Variants in PASK observed in about 807,000 individuals in gnomAD.
PASK encodes PAS domain-containing serine/threonine-protein kinase.
PASK carries 110 observed loss-of-function variants against 121.0 expected under a neutral mutation model. The ratio of observed to expected loss-of-function variants is 0.91; its 90% confidence interval spans 0.78 to 1.06. PASK has a LOEUF of 1.06. PASK is among the 50% of genes least tolerant of loss of function. PASK has a pLI of 0.00. For missense variants in PASK, 1,643 were observed against 1,702.3 expected (o/e 0.97, Z 0.61); for synonymous variants, 686 against 717.8 (o/e 0.96, Z 0.71).
chr2:241,108,037 T>C lies in PASK; in HGVS notation c.3667+130A>G. 2 of 913,416 alleles carry C rather than the reference T, an allele frequency of 2.2e-6. No individual in the cohort carries two copies. Among genetic ancestry groups the C allele is most frequent in the Non-Finnish European group, 3.6e-6 (2 of 553,320 alleles). 56.6% of individuals were successfully genotyped at this position (913,416 alleles called of 1,614,324 possible). On this transcript the variant is annotated intron_variant, in intron 16 of 17. Coordinates refer to ENST00000234040, the MANE Select transcript of PASK (RefSeq NM_015148.4). The surrounding 1 kb of genome is among the most constrained non-coding windows in gnomAD (Gnocchi z 5.2). ...TTAAAGTCATATGCAAATTATTTGA[T>C]GAATAGAAAAGAAACAAATGAGACT...
At chr2:241,124,679 T>C (rs190640856) in intron 10 of PASK, among the ~76,000 whole-genome samples, 3 of 152,366 alleles carry the variant, frequency 2.0e-5, no homozygotes, top group African/African-American at 7.2e-5. Context: ...AACATAAGTG[T>C]GGTTAGCTTT....
intron 12 of PASK, among the ~76,000 whole-genome samples, chr2:241,122,015 A>G (rs1204486251): frequency 2.0e-5 from 3 of 152,120 alleles, no homozygotes; most frequent in Non-Finnish European, 4.4e-5. Flanking sequence ...ATTGGCAATT[A>G]AACAACACAC....
chr2:241,150,304 G>C, upstream of PASK: 1 of 1,334,352 alleles, frequency 7.5e-7, no homozygotes, highest in Non-Finnish European at 9.6e-7. Flanking sequence ...GAAATTACCT[G>C]CTCTGGGGGA....
chr2:241,112,364 C>A lies in PASK; in HGVS notation c.3409G>T (p.Ala1137Ser). 1 of 1,613,420 alleles carries A rather than the reference C, an allele frequency of 6.2e-7. No homozygotes were observed. The highest frequency in any genetic ancestry group is 2.2e-5 in the East Asian group (1 of 44,858). Residue 1137 changes from alanine (A) to serine (S), a missense_variant, in exon 15 of 18, where the codon GCC (alanine) becomes TCC (serine). Coordinates refer to ENST00000234040, the MANE Select transcript of PASK (RefSeq NM_015148.4). The surrounding 1 kb of genome is among the most constrained non-coding windows in gnomAD (Gnocchi z 5.2). ...ATCAGCTTGATTGTGAAGTCCTCGG[C>A]GATCACGATGTTCTCATCCTTGATG... ...RDIKDENIVI[A>S]EDFTIKLIDF...
At chr2:241,142,806 G>C in intron 2 of PASK, 31 bp downstream of exon 2, 1 of 1,494,992 alleles carries the variant, frequency 6.7e-7, no homozygotes, top group South Asian at 1.1e-5. Context: ...ATTTCCACGC[G>C]CTAAGGCCTG....
At chr2:241,116,265 T>C (rs1364303798) in intron 12 of PASK, among the ~76,000 whole-genome samples, 1 of 152,108 alleles carries the variant, frequency 6.6e-6, no homozygotes, top group Non-Finnish European at 1.5e-5. Context: ...CCCACGGACA[T>C]GAAAGAAGAA....
intron 14 of PASK, chr2:241,114,687 G>GAGACGCTCT: frequency 8.2e-7 from 1 of 1,223,978 alleles, no homozygotes; most frequent in Non-Finnish European, 1.0e-6. Flanking sequence ...CCTGCAGGCC[G>GAGACGCTCT]CTGTGCCGCA....
rs947440925 is a variant in PASK, at chr2:241,108,852, C to T, written c.3534-552G>A. The T allele has an allele frequency of 9.7e-6, 2 of 206,782 alleles. No homozygotes were observed. The highest frequency in any genetic ancestry group is 2.3e-5 in the African/African-American group (1 of 43,408). 12.8% of individuals were successfully genotyped at this position (206,782 alleles called of 1,614,324 possible). A position where few individuals can be genotyped will look rare whatever the true frequency, so the allele number is the denominator to read the frequency against. On this transcript the variant is annotated intron_variant, in intron 15 of 17. Transcript: ENST00000234040. The surrounding 1 kb of genome is among the most constrained non-coding windows in gnomAD (Gnocchi z 5.2). ...GAAGGATGAAAGCAAACAAGAAGGA[C>T]GTGGTGAAGGTGGGTGTTCACACAG...
At chr2:241,136,398 A>C (rs2074826) in intron 7 of PASK, among the ~76,000 whole-genome samples, 4,262 of 152,280 alleles carry the variant, frequency 0.028, 326 homozygotes, top group East Asian at 0.23. Context: ...GAACAGTGAC[A>C]TGCACCCAGG....
At chr2:241,137,788 T>C (rs544498175) in intron 6 of PASK, among the ~76,000 whole-genome samples, 165 bp downstream of exon 6, 1 of 152,200 alleles carries the variant, frequency 6.6e-6, no homozygotes, top group Non-Finnish European at 1.5e-5. Flanking sequence ...CCACATAGGC[T>C]CCGGCCCTTG....
At chr2:241,111,327 TGC>T (rs1184394908) in intron 15 of PASK, among the ~76,000 whole-genome samples, 2 of 152,158 alleles carry the variant, frequency 1.3e-5, no homozygotes, top group Non-Finnish European at 2.9e-5. Flanking sequence ...AGCAGAGCAC[TGC>T]AGCAGAGGGC....
intron 1 of PASK, among the ~76,000 whole-genome samples, chr2:241,146,026 G>T (rs2066937787): frequency 6.6e-6 from 1 of 151,892 alleles, no homozygotes; most frequent in African/African-American, 2.4e-5. Context: ...TTTGGGAGAA[G>T]ATATTTGCCA....
intron 15 of PASK, chr2:241,109,808 G>C (rs1221422636): frequency 1.3e-5 from 2 of 152,368 alleles, no homozygotes; most frequent in East Asian, 1.9e-4. Flanking sequence ...CAATAGAACA[G>C]AACAGAGGTT....
rs2065740863 is a variant in PASK, at chr2:241,123,976, A to C, written c.2877T>G (p.Ala959=). The C allele has an allele frequency of 1.2e-6, 2 of 1,613,806 alleles. No homozygotes were observed. Among genetic ancestry groups the C allele is most frequent in the Non-Finnish European group, 1.7e-6 (2 of 1,180,028 alleles). ...CCACCAGGCTGGGTCCGGTGAGCTC[A>C]GCAGCGGTAGAGTGGGTGGAGCCGG... ...SLPGSTHSTA[A]ELTGPSLVEV... is the part of the protein sequence containing the mutation. The change falls in exon 11 of 18, where the codon GCT becomes GCG. Residue 959 remains alanine (A), a synonymous_variant. Coordinates refer to ENST00000234040, the MANE Select transcript of PASK (RefSeq NM_015148.4).
rs183933049 is a variant in PASK, at chr2:241,136,075, G to A, written c.1138-36C>T. ...AAGCAGGGACATTTCAGAACCTGGA[G>A]GATCCACGCTGACCCACTGGACCGT... On this transcript the variant is annotated intron_variant, in intron 7 of 17. Transcript: ENST00000234040. 3.0e-5 allele frequency: 48 copies of A among 1,577,678 alleles called. No individual in the cohort carries two copies. In the East Asian group the frequency reaches 1.0e-3, roughly 33 times the overall value.
chr2:241,139,856 G>T, intron 4 of PASK, 29 bp downstream of exon 4: 1 of 1,611,298 alleles, frequency 6.2e-7, no homozygotes, highest in South Asian at 1.1e-5. Flanking sequence ...CTTGAGGCCA[G>T]ACTGAACGCT....
intron 1 of PASK, among the ~76,000 whole-genome samples, chr2:241,143,500 G>A (rs1219463723): frequency 2.0e-5 from 3 of 150,066 alleles, no homozygotes; most frequent in Non-Finnish European, 4.4e-5. Context: ...GCAGTGAGCC[G>A]AGATCACACC....
Position 241,140,640 on chromosome 2 carries a change from T to C in PASK, c.310A>G (p.Ser104Gly). ...EHTDPSEPRG[S>G]VSCCSLLRGL... Reference sequence around the variant, plus strand: ...CGCAGCAGGGAGCAGCAGGACACACTGCCCCGCGGTTCGGACGGGTCCGTG... The same window carrying C: ...CGCAGCAGGGAGCAGCAGGACACACCGCCCCGCGGTTCGGACGGGTCCGTG... Residue 104 changes from serine (S) to glycine (G), a missense_variant, in exon 3 of 18, where the codon AGT becomes GGT. Ser to Gly is a moderately conservative substitution (Grantham distance 56). Around this residue, in one of 3 missense-constraint regions of PASK, gnomAD observed 1,176 missense variants for 1,162.2 expected, o/e 1.01. Transcript: ENST00000234040. 6.2e-7 allele frequency: 1 copy of C among 1,614,076 alleles called. No individual in the cohort carries two copies. The highest frequency in any genetic ancestry group is 8.5e-7 in the Non-Finnish European group (1 of 1,179,928).
rs184615437 is a variant in PASK, at chr2:241,111,899, A to G, written c.3533+341T>C. ...TATTGAAATAGATATTATTCCTGTC[A>G]TCAAAATAAATAAACCTAACTAAAA... On this transcript the variant is annotated intron_variant, in intron 15 of 17. Transcript: ENST00000234040. Among the ~76,000 whole-genome samples, 362 of 152,368 alleles carry G rather than the reference A, an allele frequency of 2.4e-3. 1 individual carries two copies. Among genetic ancestry groups the G allele is most frequent in the African/African-American group, 8.4e-3 (348 of 41,584 alleles).
Sources: allele counts gnomAD v4.1 joint callset (sites outside exome capture counted in the v4.1 genomes callset), GRCh38; gene constraint gnomAD v4.1.1; regional missense constraint gnomAD v4.1.1; non-coding constraint Gnocchi (gnomAD v3.1); transcripts MANE v1.5; gene names NCBI Gene and HGNC (gene_info 2026-07-23, HGNC 2026-07-21).